Variants in EPS8 observed in about 807,000 individuals in gnomAD.
EPS8 encodes the protein EGFR pathway substrate 8, signaling adaptor.
Under a neutral mutation model 103.8 loss-of-function variants are expected in EPS8, and 42 were observed. That is an observed-to-expected ratio of 0.40 (90% CI 0.32 to 0.52). The LOEUF (loss-of-function observed/expected upper bound fraction) is 0.52, where lower values mean the gene tolerates loss of function less well. Ranked by LOEUF, EPS8 falls within the 20% of genes least tolerant of loss-of-function variation. The probability of loss-of-function intolerance (pLI) is 0.40; values close to 1 mark genes in which losing one functional copy is unlikely to be tolerated. For missense variants in EPS8, 969 were observed against 1,005.1 expected (o/e 0.96, Z 0.49); for synonymous variants, 344 against 344.6 (o/e 1.00, Z 0.02).
chr12:15,719,116 C>G (rs1329498792), intron 1 of EPS8, among the ~76,000 whole-genome samples: 1 of 151,972 alleles, frequency 6.6e-6, no homozygotes, highest in East Asian at 1.9e-4. Context: ...ATCAAAAAAT[C>G]AGGGGAAATG....
At chr12:15,667,657 A>G (rs542289617) in intron 6 of EPS8, among the ~76,000 whole-genome samples, 1 of 152,310 alleles carries the variant, frequency 6.6e-6, no homozygotes, top group East Asian at 1.9e-4. Flanking sequence ...GGAGCATTGC[A>G]TGAAGTCCTA....
chr12:15,747,057 G>T lies in EPS8; in HGVS notation c.-22+42104C>A, dbSNP rs149227430. On this transcript the variant is annotated intron_variant, in intron 1 of 20. Transcript: ENST00000281172. This position sits in a 1 kb window ranked among gnomAD's most constrained non-coding sequence, Gnocchi z 4.4. The stretch of plus-strand genomic sequence containing the variant: ...TCAACAGTCAATACATATTTTGTAC[G>T]CAGGAAGTGTTCAGAGAAAATAAAC... Among the ~76,000 whole-genome samples, 59 of 152,162 alleles carry T rather than the reference G, an allele frequency of 3.9e-4. No homozygotes were observed. Among genetic ancestry groups the T allele is most frequent in the African/African-American group, 1.3e-3 (55 of 41,516 alleles).
At chr12:15,783,079 T>C (rs566106209) in intron 1 of EPS8, among the ~76,000 whole-genome samples, 2 of 152,142 alleles carry the variant, frequency 1.3e-5, no homozygotes, top group Non-Finnish European at 2.9e-5. Flanking sequence ...AGAGATAAAG[T>C]TGAATTGCTT....
At chr12:15,641,687 TTATTA>T (rs1945232990) in intron 16 of EPS8, 30 bp downstream of exon 16, 1 of 1,034,030 alleles carries the variant, frequency 9.7e-7, no homozygotes, top group Non-Finnish European at 1.4e-6. Context: ...TAAAACTACT[TTATTA>T]AGAGTATAAA....
Position 15,688,697 on chromosome 12 carries a change from T to C in EPS8, c.-21-5725A>G, listed in dbSNP as rs1946129698. 6.6e-6 allele frequency among the ~76,000 whole-genome samples: 1 copy of C among 152,128 alleles called. No homozygotes were observed. The highest frequency in any genetic ancestry group is 1.5e-5 in the Non-Finnish European group (1 of 68,024). On this transcript the variant is annotated intron_variant, in intron 1 of 20. Transcript: ENST00000281172. The surrounding 1 kb of genome is among the most constrained non-coding windows in gnomAD (Gnocchi z 5.1). ...CATTCTCCCTTGTGGCTCCCCCATCTGCTGAGAGCTACCTCCACTCAATAA... is the reference window on the plus strand; with the variant it reads ...CATTCTCCCTTGTGGCTCCCCCATCCGCTGAGAGCTACCTCCACTCAATAA...
rs556441506 is a variant in EPS8, at chr12:15,779,275, G to T, written c.-22+9886C>A. ...TTACAGGCGTGAGCCACCTTGCCCA[G>T]CAAAATGTAACAGACTTTTCACTAG... On this transcript the variant is annotated intron_variant, in intron 1 of 20. Transcript: ENST00000281172. This position sits in a 1 kb window ranked among gnomAD's most constrained non-coding sequence, Gnocchi z 4.3. Among the ~76,000 whole-genome samples the T allele has an allele frequency of 9.8e-5, 15 of 152,300 alleles. No individual in the cohort carries two copies. Among genetic ancestry groups the T allele is most frequent in the Middle Eastern group, 6.8e-3 (2 of 294 alleles).
intron 8 of EPS8, among the ~76,000 whole-genome samples, chr12:15,663,920 CAAAAAAAAAA>C (rs10590703): frequency 0.012 from 109 of 9,054 alleles, 5 homozygotes; most frequent in Admixed American, 0.029. Flanking sequence ...CACTCCATCT[CAAAAAAAAAA>C]AAAAAAAAAA....
rs1487812955 is a variant in EPS8 at position 15,713,434 on chromosome 12, A to G, written c.-21-30462T>C. ...AGCCAGAACTGATGGCCAAAATAGT[A>G]AGCACAAAAGCATACACTGTCAGCT... On this transcript the variant is annotated intron_variant, in intron 1 of 20. Transcript: ENST00000281172. This position sits in a 1 kb window ranked among gnomAD's most constrained non-coding sequence, Gnocchi z 4.8. The G allele has an allele frequency of 6.6e-6, 1 of 152,240 alleles. No individual in the cohort carries two copies. The allele number at this position is 152,240 out of a possible 1,614,324, so 9.4% of individuals were successfully genotyped here.
chr12:15,693,318 CT>C lies in EPS8; in HGVS notation c.-21-10347del, dbSNP rs2135920175. Among the ~76,000 whole-genome samples the C allele has an allele frequency of 6.6e-6, 1 of 152,346 alleles. No individual in the cohort carries two copies. Among genetic ancestry groups the C allele is most frequent in the South Asian group, 2.1e-4 (1 of 4,830 alleles). On this transcript the variant is annotated intron_variant, in intron 1 of 20. Coordinates refer to ENST00000281172, the MANE Select transcript of EPS8 (RefSeq NM_004447.6). The surrounding 1 kb of genome is among the most constrained non-coding windows in gnomAD (Gnocchi z 5.6). ...CTGTTTACTAAGCATTTCATTTCAT[CT>C]TTCACCCTCTGTCTGTACCTTGGTA...
intron 1 of EPS8, among the ~76,000 whole-genome samples, chr12:15,755,119 GTA>G (rs1223871988): frequency 3.3e-5 from 5 of 152,302 alleles, no homozygotes; most frequent in Middle Eastern, 3.4e-3. Context: ...CCAAAGGTGA[GTA>G]TAGATGACAT....
chr12:15,762,869 A>G lies in EPS8; in HGVS notation c.-22+26292T>C, dbSNP rs1947056143. On this transcript the variant is annotated intron_variant, in intron 1 of 20. Transcript: ENST00000281172. The surrounding 1 kb of genome is among the most constrained non-coding windows in gnomAD (Gnocchi z 4.8). ...TAGCACAACAGGGTGACTATAGTCAATAATAATTTAATTGTACTATTCTGC... is the reference window on the plus strand; with the variant it reads ...TAGCACAACAGGGTGACTATAGTCAGTAATAATTTAATTGTACTATTCTGC... Among the ~76,000 whole-genome samples the G allele has an allele frequency of 6.6e-6, 1 of 152,186 alleles. No individual in the cohort carries two copies. The highest frequency in any genetic ancestry group is 1.5e-5 in the Non-Finnish European group (1 of 68,022).
rs1381529136 is a variant in EPS8, at chr12:15,747,033, C to T, written c.-22+42128G>A. On this transcript the variant is annotated intron_variant, in intron 1 of 20. Coordinates refer to ENST00000281172, the MANE Select transcript of EPS8 (RefSeq NM_004447.6). The surrounding 1 kb of genome is among the most constrained non-coding windows in gnomAD (Gnocchi z 4.4). ...CCTTTTTCTGATATTTTTAAATCCT[C>T]AACAGTCAATACATATTTTGTACGC... Among the ~76,000 whole-genome samples the T allele has an allele frequency of 6.6e-6, 1 of 152,128 alleles. No homozygotes were observed. The highest frequency in any genetic ancestry group is 2.4e-5 in the African/African-American group (1 of 41,406).
intron 13 of EPS8, among the ~76,000 whole-genome samples, chr12:15,653,736 C>T (rs1460801686): frequency 6.6e-6 from 1 of 152,220 alleles, no homozygotes; most frequent in African/African-American, 2.4e-5. Context: ...TTACTTTCCT[C>T]ATCTGCAAAA....
In EPS8 at chr12:15,620,436, T is replaced by G. The variant is rs1944844468; in HGVS notation, c.*881A>C. On this transcript the variant is annotated 3_prime_UTR_variant, in exon 21 of 21. Coordinates refer to ENST00000281172, the MANE Select transcript of EPS8 (RefSeq NM_004447.6). ...TTAAAATATGTGTAAATTAAGTGCT[T>G]CTTATTACCAGAAATACTTGACACA... is the stretch of plus-strand genomic sequence containing the variant. The G allele has an allele frequency of 6.6e-6, 1 of 152,654 alleles. No individual in the cohort carries two copies. Among genetic ancestry groups the G allele is most frequent in the South Asian group, 2.1e-4 (1 of 4,834 alleles). 9.5% of individuals were successfully genotyped at this position (152,654 alleles called of 1,614,324 possible).
At position 15,764,124 on chromosome 12, in the gene EPS8, G is replaced by C. The variant is rs752506994; in HGVS notation, c.-22+25037C>G. ...ATAATCATGTCCAAAGGTGAAGGAG[G>C]AGCAAAGTAACATCTTACATGGTAG... On this transcript the variant is annotated intron_variant, in intron 1 of 20. Coordinates refer to ENST00000281172, the MANE Select transcript of EPS8 (RefSeq NM_004447.6). The surrounding 1 kb of genome is among the most constrained non-coding windows in gnomAD (Gnocchi z 4.1). 6.6e-6 allele frequency among the ~76,000 whole-genome samples: 1 copy of C among 152,168 alleles called. No homozygotes were observed. The highest frequency in any genetic ancestry group is 2.4e-5 in the African/African-American group (1 of 41,416).
chr12:15,736,858 G>A lies in EPS8; in HGVS notation c.-22+52303C>T, dbSNP rs1277080786. Among the ~76,000 whole-genome samples, 3 of 152,092 alleles carry A rather than the reference G, an allele frequency of 2.0e-5. No homozygotes were observed. The highest frequency in any genetic ancestry group is 7.2e-5 in the African/African-American group (3 of 41,398). On this transcript the variant is annotated intron_variant, in intron 1 of 20. Transcript: ENST00000281172. This position sits in a 1 kb window ranked among gnomAD's most constrained non-coding sequence, Gnocchi z 4.2. ...AGCCCCAATAAACAGTACGCATGATGATGAATTTACATTATGCTTATGAAG... is the reference window on the plus strand; with the variant it reads ...AGCCCCAATAAACAGTACGCATGATAATGAATTTACATTATGCTTATGAAG...
chr12:15,686,500 T>C (rs904678697), intron 1 of EPS8, among the ~76,000 whole-genome samples: 3 of 152,192 alleles, frequency 2.0e-5, no homozygotes, highest in Non-Finnish European at 2.9e-5. Flanking sequence ...ATTTTATCTT[T>C]ATTTTCTACA....
chr12:15,786,531 GTA>G (rs1947312421), intron 1 of EPS8, among the ~76,000 whole-genome samples: 1 of 152,050 alleles, frequency 6.6e-6, no homozygotes, highest in South Asian at 2.1e-4. Flanking sequence ...TAATACTAAT[GTA>G]CTGATACTGG....
chr12:15,766,581 G>C (rs112562838), intron 1 of EPS8, among the ~76,000 whole-genome samples: 6 of 151,908 alleles, frequency 3.9e-5, no homozygotes, highest in African/African-American at 1.4e-4. Context: ...GGGAGGCTGA[G>C]GCAGGAGAAT....
Sources: gnomAD v4.1 joint callset for allele counts (sites outside exome capture counted in the v4.1 genomes callset) on GRCh38, gnomAD v4.1.1 for gene constraint, Gnocchi (gnomAD v3.1) non-coding constraint, MANE v1.5 for transcripts, NCBI Gene and HGNC (gene_info 2026-07-23, HGNC 2026-07-21) for gene names.